DCDC2C: variants seen among roughly 807,000 people sequenced by gnomAD.
DCDC2C encodes the protein doublecortin domain-containing protein 2C.
A neutral mutation model predicts 45.0 loss-of-function variants in DCDC2C; 44 were observed. That is an observed-to-expected ratio of 0.98 (90% CI 0.77 to 1.26). DCDC2C has a LOEUF of 1.26. Ranked by LOEUF, DCDC2C falls within the 50% of genes most tolerant of loss-of-function variation. The pLI is 0.00. For synonymous variants in DCDC2C, 187 were observed against 178.8 expected, an observed-to-expected ratio of 1.05 and a Z score of -0.37; for missense variants, 447 against 468.9, an observed-to-expected ratio of 0.95 and a Z score of 0.43.
intron 4 of DCDC2C, among the ~76,000 whole-genome samples, chr2:3,744,812 G>A (rs1669314659): frequency 6.6e-6 from 1 of 152,174 alleles, no homozygotes; most frequent in Non-Finnish European, 1.5e-5. Context: ...GTGGCGACGA[G>A]CAGGTGGAAG....
At chr2:3,719,211 G>A (rs1281115387) in intron 2 of DCDC2C, among the ~76,000 whole-genome samples, 4 of 151,918 alleles carry the variant, frequency 2.6e-5, no homozygotes, top group African/African-American at 9.7e-5. Flanking sequence ...TCAGCCTCCC[G>A]AGTAGCTGGG....
At chr2:3,722,249 A>G (rs1668522748) in intron 2 of DCDC2C, among the ~76,000 whole-genome samples, 1 of 152,256 alleles carries the variant, frequency 6.6e-6, no homozygotes, top group Non-Finnish European at 1.5e-5. Flanking sequence ...CTGAGTACTA[A>G]GCTACATGGG....
chr2:3,709,712 G>T (rs936412887), intron 2 of DCDC2C, among the ~76,000 whole-genome samples: 3 of 152,158 alleles, frequency 2.0e-5, no homozygotes, highest in African/African-American at 7.2e-5. Flanking sequence ...TACCTGTGGG[G>T]CTGGGAGCAG....
intron 10 of DCDC2C, among the ~76,000 whole-genome samples, chr2:3,829,295 T>C (rs1671899592): frequency 6.6e-6 from 1 of 151,742 alleles, no homozygotes. Context: ...TTTTTTTTTT[T>C]TTTTTGCATT....
At chr2:3,781,051 C>A (rs1437749078) in intron 9 of DCDC2C, among the ~76,000 whole-genome samples, 1 of 152,236 alleles carries the variant, frequency 6.6e-6, no homozygotes, top group African/African-American at 2.4e-5. Context: ...GTCTTTGCTT[C>A]TAACATGACT....
At chr2:3,750,660 T>C (rs1007937222) in intron 4 of DCDC2C, among the ~76,000 whole-genome samples, 3 of 152,162 alleles carry the variant, frequency 2.0e-5, no homozygotes, top group Admixed American at 2.0e-4. Context: ...TAGGATGCTG[T>C]CTGTGACCTT....
intron 6 of DCDC2C, among the ~76,000 whole-genome samples, chr2:3,758,084 T>C (rs979933173): frequency 2.6e-5 from 4 of 152,220 alleles, no homozygotes; most frequent in Non-Finnish European, 2.9e-5. Flanking sequence ...ATAAATTGTA[T>C]GGACTGAAAA....
intron 2 of DCDC2C, among the ~76,000 whole-genome samples, chr2:3,724,059 CT>C (rs1279886469): frequency 1.8e-4 from 28 of 152,206 alleles, no homozygotes; most frequent in African/African-American, 6.0e-4. Context: ...TGCATTGTGC[CT>C]TTTATGAAAT....
intron 10 of DCDC2C, among the ~76,000 whole-genome samples, chr2:3,788,129 T>A (rs1009176579): frequency 1.4e-4 from 22 of 152,236 alleles, no homozygotes; most frequent in Non-Finnish European, 2.1e-4. Flanking sequence ...TATTTTTTCT[T>A]CTGAACAAAT....
rs1238343697 is a variant in DCDC2C at position 3,761,564 on chromosome 2, T to C, written c.727-6190T>C. On this transcript the variant is annotated intron_variant, in intron 6 of 10. Coordinates refer to ENST00000399143, the MANE Select transcript of DCDC2C (RefSeq NM_001287444.2). The surrounding 1 kb of genome is among the most constrained non-coding windows in gnomAD (Gnocchi z 4.3). ...TATATCACAACAATCAAGGCTGCAA[T>C]TGTCATCTTTTAGCAGCCTGAGGAT... Among the ~76,000 whole-genome samples, 2 of 152,218 alleles carry C rather than the reference T, an allele frequency of 1.3e-5. No homozygotes were observed. The highest frequency in any genetic ancestry group is 2.9e-5 in the Non-Finnish European group (2 of 68,036).
intron 2 of DCDC2C, among the ~76,000 whole-genome samples, chr2:3,726,209 C>T (rs1262844481): frequency 1.3e-5 from 2 of 152,014 alleles, no homozygotes; most frequent in African/African-American, 4.8e-5. Context: ...GGGAGCAGCT[C>T]TTCAGAGGAA....
chr2:3,741,872 C>G lies in DCDC2C; in HGVS notation c.417-48C>G, dbSNP rs965663007. On this transcript the variant is annotated intron_variant, in intron 3 of 10. Transcript: ENST00000399143. ...TATATATTGAATTTTCAATGTTTCC[C>G]CCTCAAACTTAAGGTATTAATGGAT... The G allele has an allele frequency of 6.0e-6, 9 of 1,499,750 alleles. No individual in the cohort carries two copies. In the Admixed American group the frequency reaches 1.6e-4, roughly 27 times the overall value. The allele number at this position is 1,499,750 out of a possible 1,614,324, so 92.9% of individuals were successfully genotyped here.
chr2:3,729,563 A>T (rs1431439409), intron 3 of DCDC2C, among the ~76,000 whole-genome samples: 1 of 152,200 alleles, frequency 6.6e-6, no homozygotes, highest in Non-Finnish European at 1.5e-5. Flanking sequence ...TGGTCAGTGA[A>T]GGTGGCCAGG....
chr2:3,815,164 A>G (rs1306739035), intron 10 of DCDC2C, among the ~76,000 whole-genome samples: 2 of 152,218 alleles, frequency 1.3e-5, no homozygotes, highest in African/African-American at 4.8e-5. Context: ...TCCCAGTGGC[A>G]TGGGTTCACA....
chr2:3,748,759 A>C (rs190666136), intron 4 of DCDC2C, among the ~76,000 whole-genome samples: 2 of 152,274 alleles, frequency 1.3e-5, no homozygotes, highest in Admixed American at 1.3e-4. Flanking sequence ...ATAGCCCATC[A>C]ACCTTGGACT....
chr2:3,822,232 G>A (rs1429166744), intron 10 of DCDC2C, among the ~76,000 whole-genome samples: 1 of 152,204 alleles, frequency 6.6e-6, no homozygotes, highest in Non-Finnish European at 1.5e-5. Flanking sequence ...CACAAGTGAA[G>A]CCATTTGTGC....
chr2:3,738,356 TAC>T (rs1005329336), intron 3 of DCDC2C, among the ~76,000 whole-genome samples: 3 of 152,094 alleles, frequency 2.0e-5, no homozygotes, highest in Non-Finnish European at 2.9e-5. Context: ...TGATTTATAT[TAC>T]AGATAATTGT....
intron 10 of DCDC2C, among the ~76,000 whole-genome samples, chr2:3,826,652 G>C (rs374496253): frequency 6.6e-6 from 1 of 152,046 alleles, no homozygotes; most frequent in African/African-American, 2.4e-5. Context: ...TCTGAGGTTC[G>C]AAGGTCCCCT....
chr2:3,725,701 G>GAAGAC (rs1668646433), intron 2 of DCDC2C, among the ~76,000 whole-genome samples: 1 of 151,148 alleles, frequency 6.6e-6, no homozygotes, highest in Non-Finnish European at 1.5e-5. Flanking sequence ...GATCCCAGAG[G>GAAGAC]GAGATGAGCA....
Sources: gnomAD v4.1 joint callset for allele counts (sites outside exome capture counted in the v4.1 genomes callset) on GRCh38, gnomAD v4.1.1 for gene constraint, Gnocchi (gnomAD v3.1) non-coding constraint, MANE v1.5 for transcripts, NCBI Gene and HGNC (gene_info 2026-07-23, HGNC 2026-07-21) for gene names.